Variants in GTPBP2 observed in about 807,000 individuals in gnomAD.
GTPBP2 encodes the protein GTP-binding protein 2.
A neutral mutation model predicts 63.0 loss-of-function variants in GTPBP2; 32 were observed. The ratio of observed to expected loss-of-function variants is 0.51; its 90% confidence interval spans 0.38 to 0.68. The LOEUF (loss-of-function observed/expected upper bound fraction) is 0.68. Ranked by LOEUF, GTPBP2 falls within the 30% of genes least tolerant of loss-of-function variation. The pLI, the probability that GTPBP2 is intolerant of heterozygous loss-of-function variation, is 0.00. For synonymous variants in GTPBP2, 310 were observed against 322.6 expected (o/e 0.96, Z 0.42); for missense variants, 492 against 796.9 (o/e 0.62, Z 4.61).
Position 43,625,728 on chromosome 6 carries a change from TGA to T in GTPBP2, c.507+26_507+27del, listed in dbSNP as rs1730814233. On this transcript the variant is annotated intron_variant, in intron 4 of 11. Coordinates refer to ENST00000307126, the MANE Select transcript of GTPBP2 (RefSeq NM_019096.5). This position sits in a 1 kb window ranked among gnomAD's most constrained non-coding sequence, Gnocchi z 5.1. ...ACAGGGCCCTTCCACAGTGTGGACA[TGA>T]GAGACAGGGATGGGTGTGTGCTCAC... is the stretch of plus-strand genomic sequence containing the variant. 3 of 1,547,240 alleles carry T rather than the reference TGA, an allele frequency of 1.9e-6. No individual in the cohort carries two copies. In the African/African-American group the frequency reaches 4.1e-5, roughly 21 times the overall value.
In GTPBP2 at chr6:43,626,154, C is replaced by T. The variant is rs1403684439; in HGVS notation, c.398+72G>A. ...AAAGTCCCACCTTGGCCCCTCAGGC[C>T]CTAGGTAACTGGGTATGCATGGGTC... On this transcript the variant is annotated intron_variant, in intron 3 of 11. Coordinates refer to ENST00000307126, the MANE Select transcript of GTPBP2 (RefSeq NM_019096.5). The surrounding 1 kb of genome is among the most constrained non-coding windows in gnomAD (Gnocchi z 4.0). 1.4e-6 allele frequency: 2 copies of T among 1,420,656 alleles called. No homozygotes were observed. The highest frequency in any genetic ancestry group is 2.3e-5 in the East Asian group (1 of 43,708). 88.0% of individuals were successfully genotyped at this position (1,420,656 alleles called of 1,614,324 possible).
rs760105130 is a variant in GTPBP2, at chr6:43,625,606, C to A, written c.508-46G>T. 6.6e-7 allele frequency: 1 copy of A among 1,521,806 alleles called. No homozygotes were observed. Among genetic ancestry groups the A allele is most frequent in the Admixed American group, 1.7e-5 (1 of 59,586 alleles). The allele number at this position is 1,521,806 out of a possible 1,614,324, so 94.3% of individuals were successfully genotyped here. ...ATAAGAACTCCAATCTCTCACCCCT[C>A]TAACTGAAGACTGGGTCAAGGGCAG... On this transcript the variant is annotated intron_variant, in intron 4 of 11. Coordinates refer to ENST00000307126, the MANE Select transcript of GTPBP2 (RefSeq NM_019096.5). This position sits in a 1 kb window ranked among gnomAD's most constrained non-coding sequence, Gnocchi z 5.1.
upstream of GTPBP2, chr6:43,629,580 G>A (rs932736857): frequency 2.2e-5 from 16 of 716,590 alleles, 1 homozygote; most frequent in Admixed American, 2.8e-4. Flanking sequence ...GGGGACGCGA[G>A]GACACCAGCG....
chr6:43,624,925 G>C lies in GTPBP2; in HGVS notation c.843C>G (p.Asp281Glu). Residue 281 changes from aspartate (D) to glutamate (E), a missense_variant, in exon 6 of 12, where the codon GAC (aspartate) becomes GAG (glutamate). Around this residue, in one of 2 missense-constraint regions of GTPBP2, gnomAD observed 400 missense variants for 710.8 expected, o/e 0.56. Coordinates refer to ENST00000307126, the MANE Select transcript of GTPBP2 (RefSeq NM_019096.5). The surrounding 1 kb of genome is among the most constrained non-coding windows in gnomAD (Gnocchi z 5.1). ...TGGCACTGACGAGGAGCAGGGCGCA[G>C]TCGGGGCAGTATGATGTGAGGCCAA... The part of the protein sequence containing the change: ...TIFGLTSYCP[D>E]CALLLVSANT... 1 of 1,614,180 alleles carries C rather than the reference G, an allele frequency of 6.2e-7. No homozygotes were observed. The highest frequency in any genetic ancestry group is 8.5e-7 in the Non-Finnish European group (1 of 1,180,026).
chr6:43,621,601 C>G lies in GTPBP2; in HGVS notation c.*13G>C. 2 of 1,614,126 alleles carry G rather than the reference C, an allele frequency of 1.2e-6. No individual in the cohort carries two copies. The highest frequency in any genetic ancestry group is 1.1e-5 in the South Asian group (1 of 91,074). On this transcript the variant is annotated 3_prime_UTR_variant, in exon 12 of 12. Transcript: ENST00000307126. ...TGTAGGGACAGCAATAGAACTGTCC[C>G]TGCCTGAAGGGTTCAGAAGCCCATG... is the stretch of plus-strand genomic sequence containing the variant.
intron 1 of GTPBP2, chr6:43,628,766 C>G (rs771085752): frequency 6.3e-6 from 5 of 790,012 alleles, no homozygotes; most frequent in Admixed American, 1.7e-5. Flanking sequence ...CCTCTCCACT[C>G]TTCCTCCCTG....
rs1233689351 is a variant in GTPBP2, at chr6:43,622,330, G to A, written c.1468-163C>T. On this transcript the variant is annotated intron_variant, in intron 10 of 11. Transcript: ENST00000307126. The surrounding 1 kb of genome is among the most constrained non-coding windows in gnomAD (Gnocchi z 5.4). Reference sequence around the variant, plus strand: ...AATAATCAAAACTCTCAGAGGGAATGAGTCTTTACCCACCTCCTACGTCCT... The same window carrying A: ...AATAATCAAAACTCTCAGAGGGAATAAGTCTTTACCCACCTCCTACGTCCT... Among the ~76,000 whole-genome samples, 3 of 152,132 alleles carry A rather than the reference G, an allele frequency of 2.0e-5. No homozygotes were observed. Among genetic ancestry groups the A allele is most frequent in the African/African-American group, 7.2e-5 (3 of 41,416 alleles).
chr6:43,628,714 A>C, intron 1 of GTPBP2: 1 of 703,232 alleles, frequency 1.4e-6, no homozygotes, highest in Non-Finnish European at 2.6e-6. Flanking sequence ...CCCTTTCTCT[A>C]CTTCTCTCCT....
In GTPBP2 at chr6:43,626,329, C is replaced by T. The variant is rs759402161; in HGVS notation, c.295G>A (p.Glu99Lys). 1.2e-6 allele frequency: 2 copies of T among 1,614,214 alleles called. No homozygotes were observed. The highest frequency in any genetic ancestry group is 1.3e-5 in the African/African-American group (1 of 75,066). Residue 99 changes from glutamate to lysine, a missense_variant, in exon 3 of 12, where the codon GAG becomes AAG. Coordinates refer to ENST00000307126, the MANE Select transcript of GTPBP2 (RefSeq NM_019096.5). The surrounding 1 kb of genome is among the most constrained non-coding windows in gnomAD (Gnocchi z 4.0). ...MKWRLQEGRG[E>K]AVYQIGVEDN... is the part of the protein sequence containing the mutation. ...TCTACCCCAATCTGGTAGACGGCCTCACCACGTCCCTCCTGGAGCCGCCAC... is the reference window on the plus strand; with the variant it reads ...TCTACCCCAATCTGGTAGACGGCCTTACCACGTCCCTCCTGGAGCCGCCAC...
Position 43,622,213 on chromosome 6 carries a change from CAG to C in GTPBP2, c.1468-48_1468-47del. The C allele has an allele frequency of 6.5e-7, 1 of 1,546,034 alleles. No homozygotes were observed. The highest frequency in any genetic ancestry group is 1.1e-5 in the South Asian group (1 of 86,984). Reference sequence around the variant, plus strand: ...GGCCCAGGAAGGGCAGCTCTAACATCAGACTCTCCCTCCCCAGCCACCCCACA... The same window carrying C: ...GGCCCAGGAAGGGCAGCTCTAACATCACTCTCCCTCCCCAGCCACCCCACA... On this transcript the variant is annotated intron_variant, in intron 10 of 11. Transcript: ENST00000307126. The surrounding 1 kb of genome is among the most constrained non-coding windows in gnomAD (Gnocchi z 5.4).
Position 43,621,572 on chromosome 6 carries a change from A to G in GTPBP2, c.*42T>C, listed in dbSNP as rs780939242. The G allele has an allele frequency of 1.9e-5, 31 of 1,613,810 alleles. No homozygotes were observed. Among genetic ancestry groups the G allele is most frequent in the Non-Finnish European group, 2.5e-5 (29 of 1,179,906 alleles). On this transcript the variant is annotated 3_prime_UTR_variant, in exon 12 of 12. Transcript: ENST00000307126. ...GCAGCATGGCCAGAAGTCACCTTAT[A>G]TATTGTAGGGACAGCAATAGAACTG...
chr6:43,624,545 G>A lies in GTPBP2; in HGVS notation c.1065C>T (p.Ala355=), dbSNP rs773573064. The A allele has an allele frequency of 1.5e-5, 24 of 1,613,874 alleles. No individual in the cohort carries two copies. The Admixed American group carries it at 2.0e-4, about 13-fold the overall frequency. The change falls in exon 7 of 12, where the codon GCC becomes GCT. Residue 355 remains alanine, a synonymous_variant. Coordinates refer to ENST00000307126, the MANE Select transcript of GTPBP2 (RefSeq NM_019096.5). This position sits in a 1 kb window ranked among gnomAD's most constrained non-coding sequence, Gnocchi z 5.1. ...VPMLVTSEDD[A]VTAAQQFAQS... ...GAGCAAACTGCTGGGCAGCAGTGAC[G>A]GCATCATCCTCAGAGGTGACCAGCA...
intron 9 of GTPBP2, 156 bp downstream of exon 9, chr6:43,623,581 T>C: frequency 1.5e-6 from 1 of 654,096 alleles, no homozygotes; most frequent in East Asian, 2.6e-5. Flanking sequence ...CAGACTACCG[T>C]TCTCCAGCTC....
chr6:43,627,285 T>C (rs758542620), intron 1 of GTPBP2: 14 of 1,102,330 alleles, frequency 1.3e-5, no homozygotes, highest in Non-Finnish European at 1.4e-5. Context: ...AAACCTGCTT[T>C]TCCCAGAAGT....
intron 1 of GTPBP2, 185 bp downstream of exon 1, chr6:43,628,790 TGA>T (rs1561927171): frequency 1.2e-6 from 1 of 809,152 alleles, no homozygotes; most frequent in East Asian, 2.4e-5. Context: ...TCCTGTCACC[TGA>T]GAGTCCAGTC....
chr6:43,629,776 C>A (rs1490028404), upstream of GTPBP2: 1 of 1,563,524 alleles, frequency 6.4e-7, no homozygotes, highest in Non-Finnish European at 8.7e-7. Flanking sequence ...TGGGGTGAGT[C>A]AGGGCGAACG....
At chr6:43,629,484 A>G (rs1156926441), upstream of GTPBP2, 3 of 598,250 alleles carry the variant, frequency 5.0e-6, no homozygotes, top group African/African-American at 3.7e-5. Context: ...GCAAAGGCTT[A>G]AGGGAGCTGT....
At chr6:43,627,657 CAGA>C (rs1769481557) in intron 1 of GTPBP2, among the ~76,000 whole-genome samples, 1 of 152,180 alleles carries the variant, frequency 6.6e-6, no homozygotes, top group Non-Finnish European at 1.5e-5. Context: ...TAGCACAGCA[CAGA>C]AGCACCCTGT....
At chr6:43,629,453 G>A (rs1769752765), upstream of GTPBP2, 3 of 568,454 alleles carry the variant, frequency 5.3e-6, no homozygotes, top group Non-Finnish European at 9.2e-6. Context: ...GGAGGCGTGG[G>A]GAAGGAGCGC....
Sources: allele counts gnomAD v4.1 joint callset (sites outside exome capture counted in the v4.1 genomes callset), GRCh38; gene constraint gnomAD v4.1.1; regional missense constraint gnomAD v4.1.1; non-coding constraint Gnocchi (gnomAD v3.1); transcripts MANE v1.5; gene names NCBI Gene and HGNC (gene_info 2026-07-23, HGNC 2026-07-21).